Variants in RSRC2 observed in about 807,000 individuals in gnomAD.
The protein encoded by RSRC2 is arginine and serine rich coiled-coil 2.
A neutral mutation model predicts 61.3 loss-of-function variants in RSRC2; 5 were observed. The observed-to-expected ratio is 0.08, with a 90% CI of 0.04 to 0.17. The LOEUF (loss-of-function observed/expected upper bound fraction) is 0.17. RSRC2 is among the 10% of genes least tolerant of loss of function. RSRC2 has a pLI of 1.00. For missense variants in RSRC2, 381 were observed against 518.8 expected, an observed-to-expected ratio of 0.73 and a Z score of 2.58; for synonymous variants, 202 against 166.5, an observed-to-expected ratio of 1.21 and a Z score of -1.64.
At chr12:122,516,528 A>G (rs938654513) in intron 5 of RSRC2, among the ~76,000 whole-genome samples, 1 of 152,236 alleles carries the variant, frequency 6.6e-6, no homozygotes, top group Non-Finnish European at 1.5e-5. Context: ...AATTTCTTAA[A>G]CGTCTTTAAG....
chr12:122,505,848 G>C (rs1286257452), intron 9 of RSRC2, 142 bp from the exon 10 acceptor site: 3 of 652,396 alleles, frequency 4.6e-6, no homozygotes, highest in Non-Finnish European at 7.6e-6. Context: ...GTGCCATCTC[G>C]GCTCACTGCA....
chr12:122,518,863 T>G lies in RSRC2; in HGVS notation c.374A>C (p.His125Pro). ...CCTTTCACGAGACCTAGATCTTGAGTGACTTCTGCCTCTTGATGACTTTCT... is the reference window on the plus strand; with the variant it reads ...CCTTTCACGAGACCTAGATCTTGAGGGACTTCTGCCTCTTGATGACTTTCT... ...KERKSSRGRS[H>P]SRSRSRERRH... The change falls in exon 4 of 10, where the codon CAC becomes CCC. Residue 125 changes from histidine (H) to proline (P), a missense_variant. This residue lies in a region of RSRC2 where 266 missense variants were observed against 270.5 expected (regional missense o/e 0.98). Transcript: ENST00000331738. The G allele has an allele frequency of 6.2e-7, 1 of 1,614,120 alleles. No individual in the cohort carries two copies. The highest frequency in any genetic ancestry group is 2.2e-5 in the East Asian group (1 of 44,872).
At chr12:122,521,497 T>A in intron 2 of RSRC2, 69 bp from the exon 3 acceptor site, 1 of 1,377,282 alleles carries the variant, frequency 7.3e-7, no homozygotes, top group Non-Finnish European at 1.0e-6. Context: ...AAAAAACTCT[T>A]AATGCTGGAG....
intron 5 of RSRC2, among the ~76,000 whole-genome samples, chr12:122,516,350 C>G (rs1356031916): frequency 1.3e-5 from 2 of 152,176 alleles, no homozygotes; most frequent in Non-Finnish European, 2.9e-5. Context: ...AAAGCCTCCT[C>G]CCACCAATCA....
chr12:122,522,957 T>C (rs1001745050), intron 1 of RSRC2: 1 of 152,156 alleles, frequency 6.6e-6, no homozygotes, highest in East Asian at 1.9e-4. Context: ...TAAGTAATTA[T>C]TACAATATAA....
rs1958049784 is a variant in RSRC2 at position 122,505,324 on chromosome 12, C to T, written c.*203G>A. On this transcript the variant is annotated 3_prime_UTR_variant, in exon 10 of 10. Transcript: ENST00000331738. ...AAATATTATCCTTCTATAGTCCTGT[C>T]AAGTTTAATGGAAGTGGGTTTAACC... is the stretch of plus-strand genomic sequence containing the variant. 2.2e-6 allele frequency: 1 copy of T among 456,136 alleles called. No homozygotes were observed. Among genetic ancestry groups the T allele is most frequent in the East Asian group, 3.3e-5 (1 of 30,062 alleles). 28.3% of individuals were successfully genotyped at this position (456,136 alleles called of 1,614,324 possible).
At chr12:122,524,695 T>C (rs370982513) in intron 1 of RSRC2, among the ~76,000 whole-genome samples, 5 of 152,168 alleles carry the variant, frequency 3.3e-5, no homozygotes, top group Admixed American at 6.5e-5. Context: ...TAGGTGGTCA[T>C]TGAGGCCATG....
chr12:122,509,729 G>A (rs1019137053), intron 7 of RSRC2, among the ~76,000 whole-genome samples: 1 of 152,170 alleles, frequency 6.6e-6, no homozygotes. Flanking sequence ...TTTCAAATAA[G>A]TGCCACTGTT....
At chr12:122,524,567 A>ATGTT (rs1334767760) in intron 1 of RSRC2, among the ~76,000 whole-genome samples, 2 of 152,234 alleles carry the variant, frequency 1.3e-5, no homozygotes, top group Non-Finnish European at 2.9e-5. Flanking sequence ...GCTGGACAAC[A>ATGTT]GAGAAACCTC....
chr12:122,518,117 C>A (rs1374534235), intron 4 of RSRC2, among the ~76,000 whole-genome samples: 1 of 151,982 alleles, frequency 6.6e-6, no homozygotes, highest in African/African-American at 2.4e-5. Flanking sequence ...CACAACATGG[C>A]CAAAACCCGT....
intron 6 of RSRC2, among the ~76,000 whole-genome samples, chr12:122,514,273 T>G (rs1958746197): frequency 6.7e-6 from 1 of 150,174 alleles, no homozygotes; most frequent in Admixed American, 6.6e-5. Flanking sequence ...TGTGTGTGTT[T>G]TTTTTTTTTG....
At chr12:122,506,966 A>AT (rs1444654756) in intron 8 of RSRC2, 43 bp from the exon 9 acceptor site, 2 of 1,106,096 alleles carry the variant, frequency 1.8e-6, no homozygotes, top group Admixed American at 1.8e-5. Flanking sequence ...AAATTTAAAT[A>AT]TTTTTTAGGA....
At chr12:122,522,886 T>G (rs2137551205) in intron 1 of RSRC2, 1 of 152,332 alleles carries the variant, frequency 6.6e-6, no homozygotes, top group East Asian at 1.9e-4. Context: ...ATGGTCTGCC[T>G]CTCCTCACAT....
At chr12:122,526,355 C>CT (rs1204895821) in intron 1 of RSRC2, 2 of 158,848 alleles carry the variant, frequency 1.3e-5, no homozygotes, top group African/African-American at 4.9e-5. Flanking sequence ...AATTATGCAA[C>CT]TAGAAGCATC....
chr12:122,520,380 T>C, intron 3 of RSRC2: 1 of 563,036 alleles, frequency 1.8e-6, no homozygotes, highest in South Asian at 1.6e-5. Context: ...CTAAAGGTTT[T>C]AAAGTTTATT....
rs145054006 is a variant in RSRC2, at chr12:122,518,869, C to T, written c.368G>A (p.Arg123Lys). Residue 123 changes from arginine to lysine, a missense_variant, in exon 4 of 10, where the codon AGA becomes AAA. This residue lies in a region of RSRC2 where 266 missense variants were observed against 270.5 expected (regional missense o/e 0.98). Coordinates refer to ENST00000331738, the MANE Select transcript of RSRC2 (RefSeq NM_023012.6). ...KRKERKSSRG[R>K]SHSRSRSRER... Reference sequence around the variant, plus strand: ...ACGAGACCTAGATCTTGAGTGACTTCTGCCTCTTGATGACTTTCTTTCTTT... The same window carrying T: ...ACGAGACCTAGATCTTGAGTGACTTTTGCCTCTTGATGACTTTCTTTCTTT... The T allele has an allele frequency of 4.3e-4, 692 of 1,614,094 alleles. 3 individuals are homozygous for T. The Middle Eastern group carries it at 5.4e-3, about 13-fold the overall frequency.
rs1593398993 is a variant in RSRC2, at chr12:122,517,108, A to G, written c.602+119T>C. The G allele has an allele frequency of 4.2e-6, 6 of 1,435,092 alleles. No individual in the cohort carries two copies. In the East Asian group the frequency reaches 1.2e-4, roughly 29 times the overall value. 88.9% of individuals were successfully genotyped at this position (1,435,092 alleles called of 1,614,324 possible). On this transcript the variant is annotated intron_variant, in intron 5 of 9. Coordinates refer to ENST00000331738, the MANE Select transcript of RSRC2 (RefSeq NM_023012.6). ...CATACGTTAGGTAATGACTAAAATA[A>G]TTTTACCATAATCTATAAATAGAAT...
At chr12:122,526,757 T>C in intron 1 of RSRC2, 91 bp downstream of exon 1, 1 of 1,403,744 alleles carries the variant, frequency 7.1e-7, no homozygotes, top group Non-Finnish European at 9.9e-7. Context: ...TCTACACACA[T>C]ACACACGAAC....
rs200977113 is a variant in RSRC2, at chr12:122,507,504, C to CAA, written c.1036-583_1036-582dup. On this transcript the variant is annotated intron_variant, in intron 8 of 9. Coordinates refer to ENST00000331738, the MANE Select transcript of RSRC2 (RefSeq NM_023012.6). ...TGTCATTTGTCATTGCAAATAATGT[C>CAA]AAAAAAAAAAAAGTACCTCATAATC... 3.1e-3 allele frequency among the ~76,000 whole-genome samples: 448 copies of CAA among 144,184 alleles called. 2 individuals carry two copies. The highest frequency in any genetic ancestry group is 9.5e-3 in the African/African-American group (381 of 39,980). The allele number at this position is 144,184 out of a possible 152,430, so 94.6% of individuals were successfully genotyped here.
Sources: gnomAD v4.1 joint callset for allele counts (sites outside exome capture counted in the v4.1 genomes callset) on GRCh38, gnomAD v4.1.1 for gene constraint, gnomAD v4.1.1 regional missense constraint, MANE v1.5 for transcripts, NCBI Gene and HGNC (gene_info 2026-07-23, HGNC 2026-07-21) for gene names.